Variants in ESRRG observed in about 807,000 individuals in gnomAD.
The protein encoded by ESRRG is estrogen related receptor gamma.
A neutral mutation model predicts 44.0 loss-of-function variants in ESRRG; 13 were observed. The observed-to-expected ratio is 0.30, with a 90% CI of 0.19 to 0.47. The LOEUF (loss-of-function observed/expected upper bound fraction) is 0.47. Ranked by LOEUF, ESRRG falls within the 20% of genes least tolerant of loss-of-function variation. The pLI is 1.00. For synonymous variants in ESRRG, 215 were observed against 214.6 expected, an observed-to-expected ratio of 1.00 and a Z score of -0.02; for missense variants, 395 against 580.6, an observed-to-expected ratio of 0.68 and a Z score of 3.29.
At chr1:216,997,293 C>T (rs1458107691) in intron 1 of ESRRG, among the ~76,000 whole-genome samples, 2 of 152,196 alleles carry the variant, frequency 1.3e-5, no homozygotes, top group Non-Finnish European at 2.9e-5. Flanking sequence ...AAACACTTGG[C>T]CTCTCAAGAG....
At chr1:216,609,160 ACATCATATACCTC>A (rs1236887379) in intron 3 of ESRRG, among the ~76,000 whole-genome samples, 13 of 152,242 alleles carry the variant, frequency 8.5e-5, no homozygotes, top group African/African-American at 3.1e-4. Flanking sequence ...CACACTTACG[ACATCATATACCTC>A]TGCTACATAG....
chr1:216,645,094 C>T (rs2067254281), intron 3 of ESRRG, among the ~76,000 whole-genome samples: 2 of 152,048 alleles, frequency 1.3e-5, no homozygotes, highest in Admixed American at 1.3e-4. Flanking sequence ...CACACACAGG[C>T]AAAAATACAC....
intron 2 of ESRRG, among the ~76,000 whole-genome samples, chr1:216,905,572 C>T (rs1156906258): frequency 3.3e-5 from 5 of 152,264 alleles, no homozygotes; most frequent in East Asian, 1.9e-4. Flanking sequence ...TACGTAATAA[C>T]GGAACACCTC....
chr1:216,547,879 A>G (rs941415837), intron 5 of ESRRG, among the ~76,000 whole-genome samples: 1 of 152,034 alleles, frequency 6.6e-6, no homozygotes, highest in Non-Finnish European at 1.5e-5. Flanking sequence ...TAAACATACC[A>G]TGGTGGTATG....
chr1:216,834,842 G>A (rs1218365787), intron 2 of ESRRG, among the ~76,000 whole-genome samples: 3 of 152,184 alleles, frequency 2.0e-5, no homozygotes, highest in Non-Finnish European at 2.9e-5. Flanking sequence ...AGAAGAAAGT[G>A]TCGATAAGGA....
chr1:216,568,105 G>A lies in ESRRG; in HGVS notation c.590-7C>T, dbSNP rs756295863. ...ACTCTGTCAAGACGCACCCCTGTGA[G>A]CAAAGACAGGCACCGGCTTACTATT... On this transcript the variant is annotated splice_region_variant and splice_polypyrimidine_tract_variant and intron_variant, in intron 3 of 6. Coordinates refer to ENST00000408911, the MANE Select transcript of ESRRG (RefSeq NM_001438.4). 3.1e-6 allele frequency: 5 copies of A among 1,587,908 alleles called. No individual in the cohort carries two copies. Among genetic ancestry groups the A allele is most frequent in the Non-Finnish European group, 4.3e-6 (5 of 1,156,282 alleles).
chr1:216,512,555 C>G (rs2043027393), intron 6 of ESRRG, among the ~76,000 whole-genome samples: 1 of 151,986 alleles, frequency 6.6e-6, no homozygotes, highest in Non-Finnish European at 1.5e-5. Context: ...GAAGTGATGA[C>G]TATAAAACTC....
chr1:216,652,980 A>G lies in ESRRG; in HGVS notation c.473-1891T>C, dbSNP rs1049026401. 5.3e-5 allele frequency among the ~76,000 whole-genome samples: 8 copies of G among 152,186 alleles called. No individual in the cohort carries two copies. The South Asian group carries it at 1.4e-3, about 28-fold the overall frequency. On this transcript the variant is annotated intron_variant, in intron 2 of 6. Transcript: ENST00000408911. ...CTTAAAAGGATCAGAAAGAAAGAAA[A>G]AAAAAAGTTTACCAAACAGCATTCT...
intron 3 of ESRRG, among the ~76,000 whole-genome samples, chr1:216,620,863 C>T (rs2062113318): frequency 6.6e-6 from 1 of 152,040 alleles, no homozygotes; most frequent in Admixed American, 6.6e-5. Context: ...GAAAATAGTT[C>T]AAGGCAAAGC....
chr1:216,674,728 A>G (rs1265748459), intron 2 of ESRRG, among the ~76,000 whole-genome samples: 2 of 151,338 alleles, frequency 1.3e-5, no homozygotes, highest in African/African-American at 2.4e-5. Context: ...TTCTGCCTCA[A>G]CCTTTCCAGT....
chr1:216,809,584 A>G (rs907975829), intron 2 of ESRRG, among the ~76,000 whole-genome samples: 4 of 152,180 alleles, frequency 2.6e-5, no homozygotes, highest in African/African-American at 9.6e-5. Context: ...AAAACAAGGT[A>G]TTTTGTTATG....
chr1:216,746,108 CAATCTT>C (rs1234704181), intron 2 of ESRRG, among the ~76,000 whole-genome samples: 3 of 152,132 alleles, frequency 2.0e-5, no homozygotes, highest in Admixed American at 1.3e-4. Context: ...AATTATCTAA[CAATCTT>C]AATAATGTAA....
chr1:216,510,221 C>A (rs955929466), intron 6 of ESRRG, among the ~76,000 whole-genome samples: 1 of 152,156 alleles, frequency 6.6e-6, no homozygotes, highest in Non-Finnish European at 1.5e-5. Flanking sequence ...TGCTGAAAAT[C>A]TAGGTAGTTC....
intron 1 of ESRRG, among the ~76,000 whole-genome samples, chr1:216,706,202 TAAAAAGTGA>T (rs1036457454): frequency 1.3e-4 from 19 of 150,044 alleles, no homozygotes; most frequent in African/African-American, 4.7e-4. Flanking sequence ...ACCTCAGCTT[TAAAAAGTGA>T]AGAGAATTCA....
intron 1 of ESRRG, among the ~76,000 whole-genome samples, chr1:217,129,428 G>T (rs1342315533): frequency 6.6e-6 from 1 of 152,160 alleles, no homozygotes; most frequent in East Asian, 1.9e-4. Flanking sequence ...AGTATGGTTG[G>T]TTCCTAAACA....
chr1:216,831,232 G>C (rs1247209425), intron 2 of ESRRG, among the ~76,000 whole-genome samples: 2 of 152,076 alleles, frequency 1.3e-5, no homozygotes, highest in Non-Finnish European at 2.9e-5. Flanking sequence ...GTTAGCAGAG[G>C]CTTGGTTATT....
intron 1 of ESRRG, among the ~76,000 whole-genome samples, chr1:217,061,118 G>T (rs573003844): frequency 2.8e-4 from 43 of 151,882 alleles, no homozygotes; most frequent in Non-Finnish European, 5.0e-4. Flanking sequence ...CTATCCAGGG[G>T]GATTTTCAGG....
intron 1 of ESRRG, among the ~76,000 whole-genome samples, chr1:216,693,714 T>C (rs1239511488): frequency 2.1e-5 from 3 of 145,348 alleles, no homozygotes; most frequent in Non-Finnish European, 4.7e-5. Context: ...GATACAATCA[T>C]ACTTTTTTTC....
chr1:216,524,094 C>T (rs12064578), intron 5 of ESRRG, among the ~76,000 whole-genome samples: 4,543 of 151,802 alleles, frequency 0.03, 233 homozygotes, highest in African/African-American at 0.1. Flanking sequence ...GATGCATAAC[C>T]CTTGCTAGAG....
Sources: allele counts gnomAD v4.1 joint callset (sites outside exome capture counted in the v4.1 genomes callset), GRCh38; gene constraint gnomAD v4.1.1; transcripts MANE v1.5; gene names NCBI Gene and HGNC (gene_info 2026-07-23, HGNC 2026-07-21).